NELL2: variants seen among roughly 807,000 people sequenced by gnomAD.
NELL2 encodes protein kinase C-binding protein NELL2.
A neutral mutation model predicts 109.6 loss-of-function variants in NELL2; 41 were observed. That is an observed-to-expected ratio of 0.37 (90% CI 0.29 to 0.49). The LOEUF (loss-of-function observed/expected upper bound fraction) is 0.49, where lower values mean the gene tolerates loss of function less well. Ranked by LOEUF, NELL2 falls within the 20% of genes least tolerant of loss-of-function variation. NELL2 has a pLI of 0.98. For synonymous variants in NELL2, 355 were observed against 344.7 expected (o/e 1.03, Z -0.33); for missense variants, 900 against 1,008.3 (o/e 0.89, Z 1.45).
At chr12:44,627,476 T>A (rs1407279148) in intron 13 of NELL2, among the ~76,000 whole-genome samples, 1 of 150,386 alleles carries the variant, frequency 6.6e-6, no homozygotes, top group Non-Finnish European at 1.5e-5. Context: ...TCTGCCAAAA[T>A]CCCTGGTCTA....
intron 13 of NELL2, among the ~76,000 whole-genome samples, chr12:44,665,222 T>A (rs562318637): frequency 6.6e-6 from 1 of 152,138 alleles, no homozygotes; most frequent in Non-Finnish European, 1.5e-5. Flanking sequence ...ATTTTGAGCA[T>A]AAATACTAAG....
chr12:44,892,690 C>T (rs944966185), intron 1 of NELL2, among the ~76,000 whole-genome samples: 2 of 147,674 alleles, frequency 1.4e-5, no homozygotes, highest in Non-Finnish European at 3.0e-5. Context: ...CCCAGCTACT[C>T]GGGAGGCTGA....
At chr12:44,743,973 C>T (rs1265686243) in intron 9 of NELL2, among the ~76,000 whole-genome samples, 1 of 152,132 alleles carries the variant, frequency 6.6e-6, no homozygotes, top group Non-Finnish European at 1.5e-5. Context: ...ACAGAACTCT[C>T]CACCCCAAAT....
chr12:44,667,954 G>C (rs371147067), intron 12 of NELL2, among the ~76,000 whole-genome samples: 1 of 152,156 alleles, frequency 6.6e-6, no homozygotes. Flanking sequence ...GTTCCGGAAA[G>C]GGAGTTCACA....
In NELL2 at chr12:44,696,912, G is replaced by T. The variant is rs181912717; in HGVS notation, c.1318+6814C>A. On this transcript the variant is annotated intron_variant, in intron 12 of 19. Coordinates refer to ENST00000429094, the MANE Select transcript of NELL2 (RefSeq NM_001145108.2). ...GGAAGTATACACAGATACATATATT[G>T]AATTCTGAATGAATAAATAACACAT... is the stretch of plus-strand genomic sequence containing the variant. Among the ~76,000 whole-genome samples the T allele has an allele frequency of 8.9e-4, 135 of 152,260 alleles. 1 individual carries two copies. The highest frequency in any genetic ancestry group is 1.9e-3 in the Admixed American group (29 of 15,294).
chr12:44,587,307 A>ATATTTTT (rs1302978950), intron 15 of NELL2, among the ~76,000 whole-genome samples: 5 of 96,646 alleles, frequency 5.2e-5, no homozygotes, highest in African/African-American at 2.1e-4. Context: ...ATATATATAT[A>ATATTTTT]TTTTTTTTTA....
chr12:44,867,932 C>T (rs559031660), intron 2 of NELL2, among the ~76,000 whole-genome samples: 1 of 151,954 alleles, frequency 6.6e-6, no homozygotes, highest in African/African-American at 2.4e-5. Context: ...CTGGCCTGGC[C>T]AACATGGTGA....
At chr12:44,588,765 T>A (rs1360526591) in intron 15 of NELL2, among the ~76,000 whole-genome samples, 1 of 152,232 alleles carries the variant, frequency 6.6e-6, no homozygotes, top group Non-Finnish European at 1.5e-5. Flanking sequence ...GCATTAACTA[T>A]ATTCACAATG....
chr12:44,780,671 T>C (rs1277974102), intron 3 of NELL2, among the ~76,000 whole-genome samples: 1 of 151,952 alleles, frequency 6.6e-6, no homozygotes, highest in Non-Finnish European at 1.5e-5. Context: ...CACTTCCCTT[T>C]CCCCGCTGGG....
chr12:44,825,265 G>T (rs2136706886), intron 2 of NELL2, among the ~76,000 whole-genome samples: 1 of 151,630 alleles, frequency 6.6e-6, no homozygotes, highest in South Asian at 2.1e-4. Flanking sequence ...CCATTTATTT[G>T]TGTCTTCTTC....
At chr12:44,768,389 C>CT (rs1375404450) in intron 9 of NELL2, among the ~76,000 whole-genome samples, 1 of 151,982 alleles carries the variant, frequency 6.6e-6, no homozygotes, top group Non-Finnish European at 1.5e-5. Context: ...GATGAAATCT[C>CT]TCTTTAAAAA....
chr12:44,721,127 C>T (rs532986632), intron 9 of NELL2, among the ~76,000 whole-genome samples: 1 of 152,304 alleles, frequency 6.6e-6, no homozygotes, highest in Non-Finnish European at 1.5e-5. Flanking sequence ...AGCAAAAAAG[C>T]ACACGCTATT....
intron 11 of NELL2, among the ~76,000 whole-genome samples, chr12:44,705,803 A>T (rs1279805266): frequency 6.6e-6 from 1 of 152,234 alleles, no homozygotes; most frequent in East Asian, 1.9e-4. Context: ...ACACAGTGCT[A>T]AATTTCTGCA....
chr12:44,880,714 A>G (rs1226461840), upstream of NELL2, among the ~76,000 whole-genome samples: 1 of 152,120 alleles, frequency 6.6e-6, no homozygotes, highest in African/African-American at 2.4e-5. Flanking sequence ...GAATGCCATC[A>G]AAATTCAACA....
At chr12:44,555,848 C>T (rs1943230878) in intron 15 of NELL2, among the ~76,000 whole-genome samples, 1 of 152,058 alleles carries the variant, frequency 6.6e-6, no homozygotes, top group Admixed American at 6.6e-5. Context: ...TCCCTGCTTC[C>T]CTTATTTTAT....
intron 3 of NELL2, among the ~76,000 whole-genome samples, chr12:44,795,222 A>G (rs1038222855): frequency 6.6e-6 from 1 of 152,242 alleles, no homozygotes; most frequent in African/African-American, 2.4e-5. Flanking sequence ...ATCTCAGTAC[A>G]TTAAGCTACA....
chr12:44,631,178 C>T (rs1046660435), intron 13 of NELL2, among the ~76,000 whole-genome samples: 1 of 150,398 alleles, frequency 6.6e-6, no homozygotes, highest in African/African-American at 2.4e-5. Flanking sequence ...ATGTCTTTTA[C>T]TTCTTCTCTA....
upstream of NELL2, among the ~76,000 whole-genome samples, chr12:44,914,926 T>C (rs1464938531): frequency 3.3e-5 from 5 of 151,958 alleles, no homozygotes; most frequent in Non-Finnish European, 7.4e-5. Flanking sequence ...CTCGGCTCAC[T>C]GTAAGCTCGG....
chr12:44,590,504 T>G (rs1160702603), intron 15 of NELL2, among the ~76,000 whole-genome samples: 1 of 152,206 alleles, frequency 6.6e-6, no homozygotes, highest in Admixed American at 6.5e-5. Flanking sequence ...AGCAGTATAC[T>G]TATGAATTTT....
Sources: gnomAD v4.1 joint callset for allele counts (sites outside exome capture counted in the v4.1 genomes callset) on GRCh38, gnomAD v4.1.1 for gene constraint, MANE v1.5 for transcripts, NCBI Gene and HGNC (gene_info 2026-07-23, HGNC 2026-07-21) for gene names.